RHOJ: variants seen among roughly 807,000 people sequenced by gnomAD.
The protein encoded by RHOJ is ras homolog family member J, also known as rho-related GTP-binding protein RhoJ.
Under a neutral mutation model 23.4 loss-of-function variants are expected in RHOJ, and 11 were observed. That is an observed-to-expected ratio of 0.47 (90% CI 0.30 to 0.78). RHOJ has a LOEUF of 0.78. Among genes scored for constraint, RHOJ ranks in the 30% least tolerant of loss-of-function variants. The probability of loss-of-function intolerance (pLI) is 0.08; values close to 1 mark genes in which losing one functional copy is unlikely to be tolerated. For missense variants in RHOJ, 254 were observed against 273.4 expected (o/e 0.93, Z 0.50); for synonymous variants, 102 against 102.7 (o/e 0.99, Z 0.04).
chr14:63,222,868 G>A (rs1894524052), intron 1 of RHOJ, among the ~76,000 whole-genome samples: 1 of 152,180 alleles, frequency 6.6e-6, no homozygotes, highest in African/African-American at 2.4e-5. Flanking sequence ...TGTTGCCATT[G>A]CTTTTGGTGT....
chr14:63,287,829 G>C (rs1882128851), intron 4 of RHOJ, among the ~76,000 whole-genome samples: 3 of 152,172 alleles, frequency 2.0e-5, no homozygotes, highest in Admixed American at 2.0e-4. Flanking sequence ...AACCCTCCCA[G>C]ATGGCTTCTA....
intron 1 of RHOJ, among the ~76,000 whole-genome samples, chr14:63,243,635 C>T (rs1417589404): frequency 6.6e-6 from 1 of 152,092 alleles, no homozygotes; most frequent in Non-Finnish European, 1.5e-5. Flanking sequence ...CCACCACGCC[C>T]GGCCAAAACT....
chr14:63,256,612 TC>T (rs1255658996), intron 1 of RHOJ, among the ~76,000 whole-genome samples: 1 of 151,866 alleles, frequency 6.6e-6, no homozygotes, highest in Admixed American at 6.6e-5. Flanking sequence ...AATGTACCAG[TC>T]CCCCCAGGAA....
At chr14:63,269,921 A>C (rs759629917) in intron 2 of RHOJ, among the ~76,000 whole-genome samples, 1 of 152,204 alleles carries the variant, frequency 6.6e-6, no homozygotes, top group Non-Finnish European at 1.5e-5. Context: ...CTCAAGTTCT[A>C]ATGTTCTAAT....
intron 1 of RHOJ, among the ~76,000 whole-genome samples, chr14:63,221,286 A>T (rs1405119458): frequency 6.6e-6 from 1 of 152,174 alleles, no homozygotes; most frequent in Non-Finnish European, 1.5e-5. Flanking sequence ...GCCATGATCC[A>T]GCCACTGAAC....
intron 1 of RHOJ, among the ~76,000 whole-genome samples, chr14:63,227,939 GAATTTA>G (rs562979326): frequency 2.6e-5 from 4 of 152,298 alleles, no homozygotes; most frequent in African/African-American, 9.6e-5. Flanking sequence ...TTATTAATTT[GAATTTA>G]GTCACATCGG....
chr14:63,267,818 GC>G (rs1895394863), intron 1 of RHOJ, among the ~76,000 whole-genome samples: 1 of 152,204 alleles, frequency 6.6e-6, no homozygotes, highest in Non-Finnish European at 1.5e-5. Context: ...GCTCATCTGA[GC>G]GGCTGCAGCC....
chr14:63,257,281 C>T (rs1322036223), intron 1 of RHOJ, among the ~76,000 whole-genome samples: 1 of 148,820 alleles, frequency 6.7e-6, no homozygotes. Flanking sequence ...CAGCTCACCC[C>T]GACCCAGTCC....
intron 1 of RHOJ, among the ~76,000 whole-genome samples, chr14:63,231,205 AT>A (rs1037771490): frequency 2.6e-5 from 4 of 152,262 alleles, no homozygotes; most frequent in African/African-American, 9.6e-5. Flanking sequence ...TTCACTTTTA[AT>A]TATTTTTATG....
intron 1 of RHOJ, 94 bp downstream of exon 1, chr14:63,205,141 T>C (rs1894081183): frequency 1.5e-6 from 2 of 1,372,488 alleles, no homozygotes; most frequent in Non-Finnish European, 2.0e-6. Flanking sequence ...CTAATGTCAG[T>C]ATTGGGTGCG....
intron 1 of RHOJ, among the ~76,000 whole-genome samples, chr14:63,235,492 A>G (rs1398941196): frequency 1.3e-5 from 2 of 152,196 alleles, no homozygotes; most frequent in Admixed American, 6.5e-5. Context: ...AAATGTCACC[A>G]TGTCTACAAT....
chr14:63,259,458 C>G (rs1895235996), intron 1 of RHOJ, among the ~76,000 whole-genome samples: 1 of 152,174 alleles, frequency 6.6e-6, no homozygotes. Context: ...AGTAGCTAGC[C>G]ATGCACTTTA....
chr14:63,286,342 G>C (rs1882081890), intron 4 of RHOJ, among the ~76,000 whole-genome samples: 1 of 152,208 alleles, frequency 6.6e-6, no homozygotes, highest in Admixed American at 6.5e-5. Flanking sequence ...ACAGAAGAGA[G>C]AGAGACTAAT....
At chr14:63,266,208 A>G (rs61996646) in intron 1 of RHOJ, among the ~76,000 whole-genome samples, 2,871 of 152,284 alleles carry the variant, frequency 0.019, 31 homozygotes, top group Middle Eastern at 0.031. Flanking sequence ...GTTCTCTTTC[A>G]TGTGATGCTA....
chr14:63,213,497 G>A (rs926545163), intron 1 of RHOJ, among the ~76,000 whole-genome samples: 11 of 152,168 alleles, frequency 7.2e-5, no homozygotes, highest in African/African-American at 2.7e-4. Context: ...ATAGGATTCT[G>A]TGTTGTATAT....
chr14:63,246,703 A>AT (rs1245113358), intron 1 of RHOJ, among the ~76,000 whole-genome samples: 1 of 152,044 alleles, frequency 6.6e-6, no homozygotes, highest in Non-Finnish European at 1.5e-5. Context: ...AATTTTCACA[A>AT]TTTTTTCAAG....
chr14:63,276,533 C>T (rs73268361), intron 2 of RHOJ, among the ~76,000 whole-genome samples: 99 of 152,296 alleles, frequency 6.5e-4, no homozygotes, highest in African/African-American at 2.3e-3. Flanking sequence ...GTTCATACAG[C>T]ATCCTCAACA....
At chr14:63,276,429 C>T (rs1354689498) in intron 2 of RHOJ, among the ~76,000 whole-genome samples, 7 of 152,210 alleles carry the variant, frequency 4.6e-5, no homozygotes, top group African/African-American at 1.7e-4. Flanking sequence ...GTAAGAGAAA[C>T]TTAACCTGTC....
intron 1 of RHOJ, among the ~76,000 whole-genome samples, chr14:63,253,519 C>A (rs944719301): frequency 6.6e-6 from 1 of 152,138 alleles, no homozygotes; most frequent in African/African-American, 2.4e-5. Context: ...GCATGAGATA[C>A]TGTACCTGGC....
Sources: allele counts gnomAD v4.1 joint callset (sites outside exome capture counted in the v4.1 genomes callset), GRCh38; gene constraint gnomAD v4.1.1; transcripts MANE v1.5; gene names NCBI Gene and HGNC (gene_info 2026-07-23, HGNC 2026-07-21).